Variants in CIROZ observed in about 807,000 individuals in gnomAD.
CIROZ encodes the protein ciliated left-right organizer protein containing ZP-N domains.
At chr1:10,975,353 C>T in the CIROZ span, among the ~76,000 whole-genome samples, 3 of 145,026 alleles carry the variant, frequency 2.1e-5, no homozygotes, top group East Asian at 2.0e-4. Flanking sequence ...TGTGGTGAGC[C>T]GAAGTTGTGC....
At chr1:10,970,627 A>C in the CIROZ span, among the ~76,000 whole-genome samples, 1 of 151,228 alleles carries the variant, frequency 6.6e-6, no homozygotes, top group South Asian at 2.1e-4. Context: ...ACTCTGACTC[A>C]AAAAAAAAGA....
chr1:10,977,846 C>A, the CIROZ span, among the ~76,000 whole-genome samples: 1 of 152,068 alleles, frequency 6.6e-6, no homozygotes, highest in Admixed American at 6.6e-5. Flanking sequence ...ACACCAGTAA[C>A]CTTTAAAAAT....
the CIROZ span, chr1:10,964,061 G>A: frequency 1.9e-6 from 3 of 1,580,170 alleles, no homozygotes; most frequent in Non-Finnish European, 2.6e-6. Context: ...CACCTGCCTT[G>A]GCCTTTAGAG....
the CIROZ span, among the ~76,000 whole-genome samples, chr1:10,971,144 A>G: frequency 9.2e-6 from 1 of 108,164 alleles, no homozygotes; most frequent in South Asian, 3.1e-4. Context: ...GCAAGACTCC[A>G]CCTCAAAAAA....
At chr1:10,972,648 C>T in the CIROZ span, among the ~76,000 whole-genome samples, 1 of 152,218 alleles carries the variant, frequency 6.6e-6, no homozygotes, top group African/African-American at 2.4e-5. Context: ...CATTTAATCT[C>T]TCCAAGACCC....
chr1:10,953,876 T>A, the CIROZ span: 5 of 1,227,412 alleles, frequency 4.1e-6, no homozygotes, highest in Non-Finnish European at 5.5e-6. Context: ...GTCTGACACC[T>A]CACTTACCTT....
At chr1:10,976,088 G>T in the CIROZ span, 1 of 1,357,790 alleles carries the variant, frequency 7.4e-7, no homozygotes, top group Non-Finnish European at 1.0e-6. Context: ...CAGCAGGTTG[G>T]TTCTCAGTCT....
At chr1:10,975,375 A>T in the CIROZ span, among the ~76,000 whole-genome samples, 1 of 145,820 alleles carries the variant, frequency 6.9e-6, no homozygotes, top group East Asian at 2.0e-4. Context: ...ACTGCACTCC[A>T]GCCTGGGCGA....
chr1:10,954,354 T>C, the CIROZ span, among the ~76,000 whole-genome samples: 34 of 150,366 alleles, frequency 2.3e-4, no homozygotes, highest in African/African-American at 7.4e-4. Context: ...CTCGGGAGGC[T>C]GAGGCAGGAG....
the CIROZ span, chr1:10,966,276 C>T: frequency 7.1e-7 from 1 of 1,411,386 alleles, no homozygotes; most frequent in South Asian, 1.6e-5. Flanking sequence ...GGTGCAGTGT[C>T]TCCTTACTTG....
chr1:10,980,619 G>A, the CIROZ span, among the ~76,000 whole-genome samples: 1 of 152,242 alleles, frequency 6.6e-6, no homozygotes, highest in African/African-American at 2.4e-5. Flanking sequence ...TCCCGGCCTT[G>A]CCAGGGACCC....
chr1:10,948,680 C>T, the CIROZ span: 3 of 1,606,032 alleles, frequency 1.9e-6, no homozygotes, highest in Non-Finnish European at 1.7e-6. Flanking sequence ...CCTCTACAGG[C>T]TCCGAGGGGA....
chr1:10,964,273 T>C, the CIROZ span: 1 of 1,607,712 alleles, frequency 6.2e-7, no homozygotes. Flanking sequence ...ATTTGCTTTC[T>C]GGAAGTAGGG....
the CIROZ span, chr1:10,966,278 C>A: frequency 1.4e-6 from 2 of 1,419,528 alleles, no homozygotes; most frequent in Non-Finnish European, 1.8e-6. Flanking sequence ...TGCAGTGTCT[C>A]CTTACTTGAT....
chr1:10,969,166 T>C, the CIROZ span, among the ~76,000 whole-genome samples: 1 of 151,598 alleles, frequency 6.6e-6, no homozygotes, highest in Non-Finnish European at 1.5e-5. Context: ...TAGACTTGGG[T>C]GAGATTGGAA....
chr1:10,974,295 A>C, the CIROZ span, among the ~76,000 whole-genome samples: 1 of 152,094 alleles, frequency 6.6e-6, no homozygotes, highest in Non-Finnish European at 1.5e-5. The surrounding 1 kb of genome is among the most constrained non-coding windows in gnomAD (Gnocchi z 4.4). Flanking sequence ...GGGCACAGCC[A>C]AAGTCAGGCA....
chr1:10,969,912 G>C, the CIROZ span: 1 of 1,471,514 alleles, frequency 6.8e-7, no homozygotes, highest in Non-Finnish European at 8.9e-7. Context: ...TTGCAGGCAG[G>C]GGAAGGCAAC....
the CIROZ span, among the ~76,000 whole-genome samples, chr1:10,974,311 C>G: frequency 1.3e-5 from 2 of 152,112 alleles, no homozygotes; most frequent in East Asian, 3.9e-4. The surrounding 1 kb of genome is among the most constrained non-coding windows in gnomAD (Gnocchi z 4.4). Context: ...AGGCAGAGGA[C>G]GGCCACAGGA....
At chr1:10,955,200 G>A in the CIROZ span, 18 of 1,584,220 alleles carry the variant, frequency 1.1e-5, no homozygotes, top group Non-Finnish European at 1.5e-5. Context: ...GAATGGGAAG[G>A]ACACAGGACA....
Sources: allele counts gnomAD v4.1 joint callset (sites outside exome capture counted in the v4.1 genomes callset), GRCh38; gene constraint gnomAD v4.1.1; non-coding constraint Gnocchi (gnomAD v3.1); transcripts MANE v1.5; gene names NCBI Gene and HGNC (gene_info 2026-07-23, HGNC 2026-07-21).